Variants in PDE1C observed in about 807,000 individuals in gnomAD.
The protein encoded by PDE1C is phosphodiesterase 1C.
PDE1C carries 62 observed loss-of-function variants against 93.1 expected under a neutral mutation model. The observed-to-expected ratio is 0.67, with a 90% CI of 0.54 to 0.82. The LOEUF is 0.82. Among genes scored for constraint, PDE1C ranks in the 40% least tolerant of loss-of-function variants. The pLI, the probability that PDE1C is intolerant of heterozygous loss-of-function variation, is 0.00. For missense variants in PDE1C, 742 were observed against 884.6 expected (o/e 0.84, Z 2.04); for synonymous variants, 325 against 310.1 (o/e 1.05, Z -0.50).
chr7:31,741,084 C>A, the PDE1C span, among the ~76,000 whole-genome samples: 1 of 151,266 alleles, frequency 6.6e-6, no homozygotes, highest in Non-Finnish European at 1.5e-5. Flanking sequence ...AATAGAATTG[C>A]ATATTGTACA....
At chr7:31,996,198 C>G (rs549236443) in intron 2 of PDE1C, among the ~76,000 whole-genome samples, 1 of 151,962 alleles carries the variant, frequency 6.6e-6, no homozygotes, top group Non-Finnish European at 1.5e-5. Flanking sequence ...GAGGGGCACA[C>G]GAGGAAGAAA....
chr7:32,022,486 G>T (rs1788821303), intron 2 of PDE1C, among the ~76,000 whole-genome samples: 2 of 152,060 alleles, frequency 1.3e-5, no homozygotes, highest in South Asian at 4.1e-4. Flanking sequence ...GTCCCAAGGA[G>T]AAGTCATGAA....
chr7:31,944,275 G>A (rs1457351540), intron 2 of PDE1C, among the ~76,000 whole-genome samples: 2 of 152,150 alleles, frequency 1.3e-5, no homozygotes, highest in Non-Finnish European at 2.9e-5. Context: ...GCACTCACCT[G>A]GGCCAAGCTT....
intron 1 of PDE1C, among the ~76,000 whole-genome samples, chr7:32,319,107 G>A (rs1490763180): frequency 6.6e-6 from 1 of 152,208 alleles, no homozygotes; most frequent in Non-Finnish European, 1.5e-5. Context: ...CCGTCACCCG[G>A]GAGCTGCAGT....
chr7:31,731,749 C>T, the PDE1C span, among the ~76,000 whole-genome samples: 2 of 150,136 alleles, frequency 1.3e-5, no homozygotes, highest in South Asian at 2.1e-4. Flanking sequence ...CACTAGCACC[C>T]GGGTCTGGTG....
chr7:31,696,680 G>T, the PDE1C span, among the ~76,000 whole-genome samples: 1 of 152,114 alleles, frequency 6.6e-6, no homozygotes, highest in Non-Finnish European at 1.5e-5. Flanking sequence ...ACATTTCTTT[G>T]CCTGACTTCC....
chr7:32,040,060 T>C (rs897544505), intron 2 of PDE1C, among the ~76,000 whole-genome samples: 1 of 152,190 alleles, frequency 6.6e-6, no homozygotes. Flanking sequence ...CCTTGTGAAA[T>C]GTAAATGTAT....
At chr7:31,911,710 C>T (rs964919004) in intron 2 of PDE1C, among the ~76,000 whole-genome samples, 2 of 152,142 alleles carry the variant, frequency 1.3e-5, no homozygotes, top group Non-Finnish European at 2.9e-5. Flanking sequence ...CACCACCATC[C>T]TATGAGCCAG....
chr7:32,310,425 C>G (rs1782994660), intron 1 of PDE1C, among the ~76,000 whole-genome samples: 1 of 152,226 alleles, frequency 6.6e-6, no homozygotes, highest in Admixed American at 6.5e-5. Context: ...ACAGAACTCT[C>G]TACCCCAAAT....
intron 2 of PDE1C, among the ~76,000 whole-genome samples, chr7:32,016,608 G>GACTGC (rs1202037641): frequency 6.6e-6 from 1 of 152,142 alleles, no homozygotes; most frequent in Non-Finnish European, 1.5e-5. Flanking sequence ...GAAGCAACCT[G>GACTGC]ACTGCCCAAT....
At chr7:31,968,804 C>A (rs1213143157) in intron 2 of PDE1C, among the ~76,000 whole-genome samples, 2 of 152,116 alleles carry the variant, frequency 1.3e-5, no homozygotes, top group East Asian at 1.9e-4. Context: ...TGGAACAGAA[C>A]AGAGCCCTCA....
At chr7:31,699,261 C>T in the PDE1C span, among the ~76,000 whole-genome samples, 2 of 152,230 alleles carry the variant, frequency 1.3e-5, no homozygotes, top group Admixed American at 1.3e-4. Context: ...CCTCATTTAA[C>T]ACTGAGTCAA....
Position 32,159,947 on chromosome 7 carries a change from T to C in PDE1C, c.308+9838A>G, listed in dbSNP as rs148558852. 8.5e-5 allele frequency among the ~76,000 whole-genome samples: 13 copies of C among 152,242 alleles called. 1 individual carries two copies. Among genetic ancestry groups the C allele is most frequent in the Admixed American group, 2.0e-4 (3 of 15,296 alleles). ...GCCAAATCTCAGAAGTTACCTGGGATTGTGACTGAGAGATAGTCCTGGAGG... is the reference window on the plus strand; with the variant it reads ...GCCAAATCTCAGAAGTTACCTGGGACTGTGACTGAGAGATAGTCCTGGAGG... On this transcript the variant is annotated intron_variant, in intron 3 of 18. Coordinates refer to the PDE1C transcript ENST00000396193.
chr7:32,138,846 T>C (rs968261174), intron 3 of PDE1C, among the ~76,000 whole-genome samples: 1 of 152,186 alleles, frequency 6.6e-6, no homozygotes, highest in Non-Finnish European at 1.5e-5. Context: ...ATTAAATTCA[T>C]AAATAGACAT....
chr7:31,995,712 G>A (rs1784635977), intron 2 of PDE1C, among the ~76,000 whole-genome samples: 2 of 152,116 alleles, frequency 1.3e-5, no homozygotes, highest in African/African-American at 4.8e-5. Context: ...GAGTTTTACA[G>A]CTACACAGAG....
At chr7:32,219,909 A>T (rs961839443) in intron 1 of PDE1C, among the ~76,000 whole-genome samples, 1 of 152,190 alleles carries the variant, frequency 6.6e-6, no homozygotes, top group African/African-American at 2.4e-5. Context: ...AGATAACTGA[A>T]TCATGGGGAC....
At chr7:31,688,887 T>A in the PDE1C span, among the ~76,000 whole-genome samples, 1 of 152,222 alleles carries the variant, frequency 6.6e-6, no homozygotes, top group Non-Finnish European at 1.5e-5. Context: ...ATTCTCTAAT[T>A]AAGAAATCTG....
intron 2 of PDE1C, among the ~76,000 whole-genome samples, chr7:32,001,561 T>C (rs1425180032): frequency 6.6e-6 from 1 of 151,114 alleles, no homozygotes; most frequent in Non-Finnish European, 1.5e-5. Flanking sequence ...CATAAAGGAG[T>C]TCATCACTGC....
chr7:32,261,802 T>C (rs1038965310), intron 1 of PDE1C, among the ~76,000 whole-genome samples: 1 of 152,218 alleles, frequency 6.6e-6, no homozygotes, highest in African/African-American at 2.4e-5. Context: ...TTTGAAATAA[T>C]GCATTCTCTC....
Sources: gnomAD v4.1 joint callset for allele counts (sites outside exome capture counted in the v4.1 genomes callset) on GRCh38, gnomAD v4.1.1 for gene constraint, MANE v1.5 for transcripts, NCBI Gene and HGNC (gene_info 2026-07-23, HGNC 2026-07-21) for gene names.